The following STYXL2 variants were observed in gnomAD, a reference collection of about 807,000 sequenced individuals.
STYXL2 encodes serine/threonine/tyrosine interacting like 2, also known as serine/threonine/tyrosine-interacting-like protein 2.
A neutral mutation model predicts 52.4 loss-of-function variants in STYXL2; 44 were observed. The observed-to-expected ratio is 0.84, with a 90% CI of 0.66 to 1.08. STYXL2 has a LOEUF of 1.08. STYXL2 is among the 50% of genes least tolerant of loss of function. The pLI, the probability that STYXL2 is intolerant of heterozygous loss-of-function variation, is 0.00. For missense variants in STYXL2, 1,604 were observed against 1,471.7 expected (o/e 1.09, Z -1.47); for synonymous variants, 604 against 586.9 (o/e 1.03, Z -0.42).
Position 167,126,922 on chromosome 1 carries a change from G to C in STYXL2, c.1791G>C (p.Gln597His). Residue 597 changes from glutamine to histidine, a missense_variant, in exon 6 of 6, where the codon CAG becomes CAC. By Grantham distance (24) the Gln-to-His change is conservative. Transcript: ENST00000361200. The part of the protein sequence containing the change: ...TAYQAWKLKH[Q>H]KKVGSENKEE... Reference sequence around the variant, plus strand: ...ACCAGGCCTGGAAGCTGAAACACCAGAAGAAGGTGGGCAGTGAGAACAAGG... The same window carrying C: ...ACCAGGCCTGGAAGCTGAAACACCACAAGAAGGTGGGCAGTGAGAACAAGG... 6.2e-7 allele frequency: 1 copy of C among 1,611,850 alleles called. No individual in the cohort carries two copies. Among genetic ancestry groups the C allele is most frequent in the South Asian group, 1.1e-5 (1 of 90,622 alleles).
chr1:167,113,690 T>C lies in STYXL2; in HGVS notation c.111-20T>C, dbSNP rs375493899. On this transcript the variant is annotated intron_variant, in intron 2 of 5. Coordinates refer to ENST00000361200, the MANE Select transcript of STYXL2 (RefSeq NM_001080426.3). ...TCAGATGCTACAGGCTTATCTCACGTGAATATCCTCTTCCCTTAGGTATTC... is the reference window on the plus strand; with the variant it reads ...TCAGATGCTACAGGCTTATCTCACGCGAATATCCTCTTCCCTTAGGTATTC... 1 of 1,583,262 alleles carries C rather than the reference T, an allele frequency of 6.3e-7. No homozygotes were observed. The highest frequency in any genetic ancestry group is 8.7e-7 in the Non-Finnish European group (1 of 1,151,958).
At chr1:167,113,868 G>A (rs1419446996) in intron 3 of STYXL2, 64 bp downstream of exon 3, 3 of 1,311,234 alleles carry the variant, frequency 2.3e-6, no homozygotes, top group African/African-American at 2.9e-5. Context: ...CTTAGAGGGG[G>A]GCCATTGGAA....
chr1:167,126,230 CA>C lies in STYXL2; in HGVS notation c.1100del (p.Gln367ArgfsTer68). 6.5e-7 allele frequency: 1 copy of C among 1,546,066 alleles called. No individual in the cohort carries two copies. The highest frequency in any genetic ancestry group is 2.3e-5 in the East Asian group (1 of 43,974). ...GGGCCTCCTCTCAGACAAGGTCCCC[CA>C]GGATGGAGGTGGCTGGCGCTCAGCC... ...GQGLLSDKVP[Q>X]DGGGWRSASS... is the part of the protein sequence containing the mutation. On this transcript the variant is annotated frameshift_variant, in exon 6 of 6. Coordinates refer to ENST00000361200, the MANE Select transcript of STYXL2 (RefSeq NM_001080426.3). LOFTEE classifies it low-confidence loss of function (END_TRUNC).
chr1:167,100,256 C>T (rs1667374329), intron 2 of STYXL2, among the ~76,000 whole-genome samples: 1 of 152,222 alleles, frequency 6.6e-6, no homozygotes, highest in Non-Finnish European at 1.5e-5. Flanking sequence ...AAAAGCATTC[C>T]TCTCTCTTAA....
intron 2 of STYXL2, among the ~76,000 whole-genome samples, chr1:167,105,424 T>A (rs779780014): frequency 2.6e-5 from 4 of 152,222 alleles, no homozygotes; most frequent in Non-Finnish European, 5.9e-5. Flanking sequence ...AGGTCCTTTT[T>A]TTCCCTGCCT....
chr1:167,124,863 G>A (rs2646863), intron 5 of STYXL2, among the ~76,000 whole-genome samples: 32,210 of 151,502 alleles, frequency 0.21, 4,260 homozygotes, highest in African/African-American at 0.37. Context: ...ACCCAAACAA[G>A]GGTGGGGAAG....
At chr1:167,101,800 C>CA (rs35645209) in intron 2 of STYXL2, among the ~76,000 whole-genome samples, 23,244 of 139,342 alleles carry the variant, frequency 0.17, 1,940 homozygotes, top group Middle Eastern at 0.2. Context: ...CAGTCCATCT[C>CA]AAAAAAGAAA....
rs751402922 is a variant in STYXL2, at chr1:167,126,584, C to T, written c.1453C>T (p.Leu485=). The T allele has an allele frequency of 6.2e-7, 1 of 1,613,968 alleles. No individual in the cohort carries two copies. The highest frequency in any genetic ancestry group is 1.1e-5 in the South Asian group (1 of 91,072). The stretch of plus-strand genomic sequence containing the variant: ...CTGGGACGCATGGAACGAGAGGCTG[C>T]TGGAGATTGAGAAGGAGGCTTCCCG... ...STWDAWNERL[L]EIEKEASRRY... Residue 485 remains leucine (L), a synonymous_variant, in exon 6 of 6, where the codon CTG becomes TTG. Coordinates refer to ENST00000361200, the MANE Select transcript of STYXL2 (RefSeq NM_001080426.3).
rs1385687362 is a variant in STYXL2, at chr1:167,128,152, C to T, written c.3021C>T (p.Phe1007=). The change falls in exon 6 of 6, where the codon TTC becomes TTT. Residue 1007 remains phenylalanine (F), a synonymous_variant. Transcript: ENST00000361200. ...NGNSVRSTSR[F]SSSSTREGRE... ...ACTCTGTAAGAAGCACTTCACGGTT[C>T]TCATCTTCCTCCACCAGGGAGGGCA... 1 of 1,614,232 alleles carries T rather than the reference C, an allele frequency of 6.2e-7. No individual in the cohort carries two copies. The highest frequency in any genetic ancestry group is 1.1e-5 in the South Asian group (1 of 91,086).
At chr1:167,102,492 G>C (rs1667424013) in intron 2 of STYXL2, among the ~76,000 whole-genome samples, 1 of 152,004 alleles carries the variant, frequency 6.6e-6, no homozygotes, top group African/African-American at 2.4e-5. Flanking sequence ...CCCAGGAGTA[G>C]AGAATAAATA....
chr1:167,126,298 G>A lies in STYXL2; in HGVS notation c.1167G>A (p.Val389=), dbSNP rs1433503321. ...QGGEELEDED[V]ERIIQEWQSR... is the part of the protein sequence containing the mutation. ...GGGAGGAGCTCGAGGACGAGGACGT[G>A]GAGAGGATCATCCAGGAGTGGCAGA... The change falls in exon 6 of 6, where the codon GTG becomes GTA. Residue 389 remains valine (V), a synonymous_variant. Transcript: ENST00000361200. 6.5e-7 allele frequency: 1 copy of A among 1,528,120 alleles called. No individual in the cohort carries two copies. Among genetic ancestry groups the A allele is most frequent in the Non-Finnish European group, 8.8e-7 (1 of 1,136,830 alleles). The allele number at this position is 1,528,120 out of a possible 1,614,324, so 94.7% of individuals were successfully genotyped here. A position where few individuals can be genotyped will look rare whatever the true frequency, so the allele number is the denominator to read the frequency against.
chr1:167,103,789 G>A (rs531593535), intron 2 of STYXL2, among the ~76,000 whole-genome samples: 2 of 152,118 alleles, frequency 1.3e-5, no homozygotes, highest in Non-Finnish European at 2.9e-5. Context: ...TATAGTCTCC[G>A]TCAGGCCTTC....
intron 2 of STYXL2, among the ~76,000 whole-genome samples, chr1:167,097,856 G>A (rs1190436775): frequency 6.6e-6 from 1 of 152,002 alleles, no homozygotes; most frequent in Non-Finnish European, 1.5e-5. Flanking sequence ...GTTTACAAGA[G>A]ACACACCTTA....
At chr1:167,106,055 T>C (rs1379029835) in intron 2 of STYXL2, among the ~76,000 whole-genome samples, 1 of 152,258 alleles carries the variant, frequency 6.6e-6, no homozygotes, top group Non-Finnish European at 1.5e-5. Context: ...CAGAGATTTC[T>C]CTTTTCAAAT....
intron 4 of STYXL2, among the ~76,000 whole-genome samples, chr1:167,117,832 T>C (rs183204998): frequency 2.8e-3 from 433 of 152,340 alleles, no homozygotes; most frequent in Non-Finnish European, 4.3e-3. Flanking sequence ...CCTCCTTTCC[T>C]GCCACAGAGT....
At chr1:167,106,465 A>G (rs780724859) in intron 2 of STYXL2, among the ~76,000 whole-genome samples, 1 of 152,224 alleles carries the variant, frequency 6.6e-6, no homozygotes, top group African/African-American at 2.4e-5. Flanking sequence ...AATTCTCAAC[A>G]TGGATCTGTT....
rs1668003315 is a variant in STYXL2 at position 167,127,590 on chromosome 1, G to C, written c.2459G>C (p.Ser820Thr). ...ESCRSKVRGT[S>T]KPIFSLFADN... ...TGCAGAAGCAAAGTGAGGGGGACCAGCAAGCCCATCTTCAGCCTCTTTGCT... is the reference window on the plus strand; with the variant it reads ...TGCAGAAGCAAAGTGAGGGGGACCACCAAGCCCATCTTCAGCCTCTTTGCT... Residue 820 changes from serine (S) to threonine (T), a missense_variant, in exon 6 of 6, where the codon AGC (serine) becomes ACC (threonine). Coordinates refer to ENST00000361200, the MANE Select transcript of STYXL2 (RefSeq NM_001080426.3). 11 of 1,614,186 alleles carry C rather than the reference G, an allele frequency of 6.8e-6. No individual in the cohort carries two copies. In the South Asian group the frequency reaches 1.2e-4, roughly 18 times the overall value.
chr1:167,103,804 T>G (rs1299368629), intron 2 of STYXL2, among the ~76,000 whole-genome samples: 1 of 152,076 alleles, frequency 6.6e-6, no homozygotes, highest in Non-Finnish European at 1.5e-5. Context: ...GCCTTCCCAG[T>G]CACCTAAACA....
chr1:167,119,206 C>G, intron 4 of STYXL2, 43 bp from the exon 5 acceptor site: 1 of 1,588,988 alleles, frequency 6.3e-7, no homozygotes, highest in South Asian at 1.1e-5. Flanking sequence ...ACACACCTTT[C>G]TAGTTCCGAC....
Sources: gnomAD v4.1 joint callset for allele counts (sites outside exome capture counted in the v4.1 genomes callset) on GRCh38, gnomAD v4.1.1 for gene constraint, MANE v1.5 for transcripts, NCBI Gene and HGNC (gene_info 2026-07-23, HGNC 2026-07-21) for gene names.